Variants in TASP1 observed in about 807,000 individuals in gnomAD.
TASP1 encodes the protein threonine aspartase 1.
Under a neutral mutation model 56.6 loss-of-function variants are expected in TASP1, and 16 were observed. The ratio of observed to expected loss-of-function variants is 0.28; its 90% confidence interval spans 0.19 to 0.43. The LOEUF is 0.43. Ranked by LOEUF, TASP1 falls within the 20% of genes least tolerant of loss-of-function variation. The pLI, the probability that TASP1 is intolerant of heterozygous loss-of-function variation, is 1.00. For missense variants in TASP1, 393 were observed against 511.6 expected (o/e 0.77, Z 2.24); for synonymous variants, 179 against 184.2 (o/e 0.97, Z 0.23).
the TASP1 span, chr20:13,165,099 T>TACAC: frequency 0.14 from 51,494 of 373,172 alleles, 2,637 homozygotes; most frequent in East Asian, 0.19. Flanking sequence ...CTACTAGAAA[T>TACAC]ACACACACAC....
At chr20:13,418,976 C>A (rs1367603173) in intron 12 of TASP1, among the ~76,000 whole-genome samples, 2 of 152,180 alleles carry the variant, frequency 1.3e-5, no homozygotes, top group Admixed American at 6.5e-5. Flanking sequence ...TACATGACAA[C>A]TGAACACAAT....
chr20:13,217,820 T>C, the TASP1 span, among the ~76,000 whole-genome samples: 1 of 152,252 alleles, frequency 6.6e-6, no homozygotes, highest in Non-Finnish European at 1.5e-5. Context: ...CAAACATCCC[T>C]ACATCACAAT....
At chr20:13,264,087 A>G in the TASP1 span, among the ~76,000 whole-genome samples, 1 of 152,208 alleles carries the variant, frequency 6.6e-6, no homozygotes, top group African/African-American at 2.4e-5. Flanking sequence ...TTTAGCCATC[A>G]TTATCATCAA....
the TASP1 span, among the ~76,000 whole-genome samples, chr20:13,375,863 T>G: frequency 6.6e-6 from 1 of 152,210 alleles, no homozygotes; most frequent in African/African-American, 2.4e-5. Context: ...GTTTGCTGGC[T>G]GCATAAATGT....
chr20:13,279,182 T>C, the TASP1 span, among the ~76,000 whole-genome samples: 1 of 152,154 alleles, frequency 6.6e-6, no homozygotes, highest in African/African-American at 2.4e-5. Flanking sequence ...GGTACAGAGT[T>C]TGTGTTCATA....
chr20:13,105,882 T>C, the TASP1 span, among the ~76,000 whole-genome samples: 2 of 152,150 alleles, frequency 1.3e-5, no homozygotes, highest in East Asian at 1.9e-4. Flanking sequence ...TAAAAGATTA[T>C]AGGAAAGGAA....
At chr20:13,403,237 G>A (rs1057069301) in intron 13 of TASP1, among the ~76,000 whole-genome samples, 2 of 151,898 alleles carry the variant, frequency 1.3e-5, no homozygotes, top group Non-Finnish European at 2.9e-5. Context: ...ACATTAACTT[G>A]CAAGTTAGAG....
At chr20:13,367,720 G>A in the TASP1 span, among the ~76,000 whole-genome samples, 2 of 152,144 alleles carry the variant, frequency 1.3e-5, no homozygotes, top group South Asian at 4.1e-4. Context: ...TTATCTACAA[G>A]TGACTATTTA....
At chr20:13,478,295 G>T (rs1337799215) in intron 11 of TASP1, among the ~76,000 whole-genome samples, 3 of 151,444 alleles carry the variant, frequency 2.0e-5, no homozygotes, top group Admixed American at 6.6e-5. Context: ...CAATAGCAAA[G>T]ACATGGAATC....
At chr20:13,152,565 A>C in the TASP1 span, among the ~76,000 whole-genome samples, 1 of 152,184 alleles carries the variant, frequency 6.6e-6, no homozygotes, top group East Asian at 1.9e-4. Flanking sequence ...CCTCCAGGTT[A>C]GGACAAAGAT....
chr20:13,467,580 T>C lies in TASP1; in HGVS notation c.985+15647A>G, dbSNP rs116678968. On this transcript the variant is annotated intron_variant, in intron 11 of 13. Transcript: ENST00000337743. ...AATATTGGCTTCTATATTGATAACATAGTCATTTGTTTTGCGTATTTGTCT... is the reference window on the plus strand; with the variant it reads ...AATATTGGCTTCTATATTGATAACACAGTCATTTGTTTTGCGTATTTGTCT... 5.2e-3 allele frequency among the ~76,000 whole-genome samples: 797 copies of C among 152,296 alleles called. 4 individuals are homozygous for C. Among genetic ancestry groups the C allele is most frequent in the African/African-American group, 0.016 (645 of 41,570 alleles).
intron 12 of TASP1, among the ~76,000 whole-genome samples, 196 bp downstream of exon 12, chr20:13,434,848 G>A (rs998797304): frequency 1.4e-4 from 22 of 152,124 alleles, no homozygotes; most frequent in Non-Finnish European, 4.4e-5. Context: ...TTCTCTAAGT[G>A]TATACTTAAA....
the TASP1 span, among the ~76,000 whole-genome samples, chr20:13,218,342 G>A: frequency 6.6e-6 from 1 of 151,728 alleles, no homozygotes; most frequent in Non-Finnish European, 1.5e-5. Flanking sequence ...GGTCAACCTG[G>A]AAGGAAAAAA....
chr20:13,154,048 G>C, the TASP1 span: 3 of 1,614,126 alleles, frequency 1.9e-6, no homozygotes, highest in Non-Finnish European at 2.5e-6. Context: ...AGATACTTCA[G>C]ACAAAGACTG....
At chr20:13,328,512 T>A in the TASP1 span, among the ~76,000 whole-genome samples, 25 of 152,264 alleles carry the variant, frequency 1.6e-4, no homozygotes, top group Non-Finnish European at 3.2e-4. Context: ...CACACATATG[T>A]TCACTGCAGC....
chr20:13,237,424 A>G, the TASP1 span, among the ~76,000 whole-genome samples: 3 of 152,364 alleles, frequency 2.0e-5, no homozygotes, highest in East Asian at 3.9e-4. Context: ...AACATGCACA[A>G]TTTCACAAAT....
chr20:13,179,720 T>G, the TASP1 span, among the ~76,000 whole-genome samples: 1 of 151,834 alleles, frequency 6.6e-6, no homozygotes, highest in South Asian at 2.1e-4. Context: ...TCACACAGGG[T>G]CAATATCTGG....
the TASP1 span, among the ~76,000 whole-genome samples, chr20:13,170,352 G>A: frequency 6.6e-6 from 1 of 152,172 alleles, no homozygotes; most frequent in East Asian, 1.9e-4. Context: ...ATTAGCAGGA[G>A]TAATTCAATC....
chr20:13,361,303 T>C, the TASP1 span, among the ~76,000 whole-genome samples: 1 of 152,190 alleles, frequency 6.6e-6, no homozygotes, highest in Non-Finnish European at 1.5e-5. Flanking sequence ...TTCCGTTCTG[T>C]TAGACATAAT....
Sources: gnomAD v4.1 joint callset for allele counts (sites outside exome capture counted in the v4.1 genomes callset) on GRCh38, gnomAD v4.1.1 for gene constraint, MANE v1.5 for transcripts, NCBI Gene and HGNC (gene_info 2026-07-23, HGNC 2026-07-21) for gene names.